Variants in ACVR1C observed in about 807,000 individuals in gnomAD.
ACVR1C encodes the protein activin A receptor type 1C, also known as activin receptor type-1C.
Under a neutral mutation model 57.9 loss-of-function variants are expected in ACVR1C, and 23 were observed. The observed-to-expected ratio is 0.40, with a 90% CI of 0.29 to 0.56. The LOEUF is 0.56. Ranked by LOEUF, ACVR1C falls within the 20% of genes least tolerant of loss-of-function variation. The pLI is 0.50. For missense variants in ACVR1C, 480 were observed against 607.9 expected, an observed-to-expected ratio of 0.79 and a Z score of 2.21; for synonymous variants, 214 against 215.3, an observed-to-expected ratio of 0.99 and a Z score of 0.05.
chr2:157,550,885 G>A (rs181859298), intron 3 of ACVR1C, among the ~76,000 whole-genome samples: 1 of 152,024 alleles, frequency 6.6e-6, no homozygotes, highest in East Asian at 1.9e-4. Flanking sequence ...GTGAGATAAT[G>A]ATATTACACT....
intron 1 of ACVR1C, among the ~76,000 whole-genome samples, chr2:157,593,131 G>C (rs1558990505): frequency 6.6e-6 from 1 of 151,998 alleles, no homozygotes; most frequent in Non-Finnish European, 1.5e-5. Flanking sequence ...TCAACTAAAG[G>C]ATGTGCACAT....
intron 2 of ACVR1C, among the ~76,000 whole-genome samples, chr2:157,585,794 A>G (rs903257452): frequency 3.3e-5 from 5 of 152,184 alleles, no homozygotes; most frequent in Admixed American, 2.0e-4. Flanking sequence ...AAGGAAGTCT[A>G]TGGCATCTGA....
At position 157,551,646 on chromosome 2, in the gene ACVR1C, T is replaced by C. The variant is rs140543048; in HGVS notation, c.545-1254A>G. Among the ~76,000 whole-genome samples the C allele has an allele frequency of 4.6e-3, 708 of 152,322 alleles. 2 individuals are homozygous for C. The highest frequency in any genetic ancestry group is 0.016 in the African/African-American group (673 of 41,574). On this transcript the variant is annotated intron_variant, in intron 3 of 8. Transcript: ENST00000243349. ...TCTAATTTTCCACATTTTCTTAATTTCCACAATTGATATTTATTGCTCTTA... is the reference window on the plus strand; with the variant it reads ...TCTAATTTTCCACATTTTCTTAATTCCCACAATTGATATTTATTGCTCTTA...
rs767599425 is a variant in ACVR1C at position 157,529,702 on chromosome 2, A to G, written c.*4216T>C. 6.6e-6 allele frequency: 1 copy of G among 152,034 alleles called. No individual in the cohort carries two copies. The highest frequency in any genetic ancestry group is 1.5e-5 in the Non-Finnish European group (1 of 67,964). The allele number at this position is 152,034 out of a possible 1,614,324, so 9.4% of individuals were successfully genotyped here. The stretch of plus-strand genomic sequence containing the variant: ...ATTCCAGACGGTTAAGTTAAATAAG[A>G]GTTATTTTTAAAATTAGGAACTAAT... On this transcript the variant is annotated 3_prime_UTR_variant, in exon 9 of 9. Transcript: ENST00000243349.
intron 1 of ACVR1C, chr2:157,597,596 C>A (rs1298808403): frequency 2.0e-6 from 2 of 984,294 alleles, no homozygotes; most frequent in African/African-American, 3.5e-5. Flanking sequence ...TCCCGGCGCA[C>A]CCGGGTACCA....
chr2:157,579,517 T>A (rs1164129283), intron 2 of ACVR1C, among the ~76,000 whole-genome samples: 1 of 152,194 alleles, frequency 6.6e-6, no homozygotes, highest in Non-Finnish European at 1.5e-5. Context: ...GGTTTCCTAT[T>A]CTCTAAAAAT....
At chr2:157,620,037 C>A (rs372732334) in intron 1 of ACVR1C, among the ~76,000 whole-genome samples, 3 of 152,000 alleles carry the variant, frequency 2.0e-5, no homozygotes, top group South Asian at 2.1e-4. Context: ...TGATTTGGCA[C>A]AATAACTCTC....
intron 1 of ACVR1C, among the ~76,000 whole-genome samples, chr2:157,589,436 C>CT (rs1160038441): frequency 2.0e-5 from 3 of 151,716 alleles, no homozygotes; most frequent in African/African-American, 7.3e-5. Context: ...TGGATATATC[C>CT]TTTTTTGGAT....
chr2:157,545,852 G>A (rs1687743252), intron 4 of ACVR1C, among the ~76,000 whole-genome samples: 1 of 152,128 alleles, frequency 6.6e-6, no homozygotes, highest in Non-Finnish European at 1.5e-5. Context: ...TCGGCTCACT[G>A]CAACCTGTGC....
chr2:157,599,112 A>G (rs1002803780), intron 1 of ACVR1C, among the ~76,000 whole-genome samples: 4 of 151,970 alleles, frequency 2.6e-5, no homozygotes, highest in Non-Finnish European at 4.4e-5. Flanking sequence ...AGGCAGGCGG[A>G]TCACGAAGTC....
At chr2:157,580,804 C>T (rs765495013) in intron 2 of ACVR1C, among the ~76,000 whole-genome samples, 1 of 151,984 alleles carries the variant, frequency 6.6e-6, no homozygotes, top group Non-Finnish European at 1.5e-5. Context: ...GTTCCCGAAA[C>T]AGTGAAAGGT....
chr2:157,555,861 G>A (rs1262361914), intron 3 of ACVR1C, among the ~76,000 whole-genome samples: 1 of 152,178 alleles, frequency 6.6e-6, no homozygotes, highest in Non-Finnish European at 1.5e-5. Context: ...GAAAGTGAAT[G>A]TAAGAATCTG....
At position 157,528,779 on chromosome 2, in the gene ACVR1C, A is replaced by T. The variant is rs1472697240; in HGVS notation, c.*5139T>A. The T allele has an allele frequency of 6.6e-6, 1 of 152,220 alleles. No individual in the cohort carries two copies. 9.4% of individuals were successfully genotyped at this position (152,220 alleles called of 1,614,324 possible). A position where few individuals can be genotyped will look rare whatever the true frequency, so the allele number is the denominator to read the frequency against. On this transcript the variant is annotated 3_prime_UTR_variant, in exon 9 of 9. Transcript: ENST00000243349. Reference sequence around the variant, plus strand: ...GTTAGCTAAAAGCTAGAATACAAATAACAGCTAGTCTTTTTAGGTTTTAAA... The same window carrying T: ...GTTAGCTAAAAGCTAGAATACAAATTACAGCTAGTCTTTTTAGGTTTTAAA...
At chr2:157,589,333 C>A (rs555564725) in intron 1 of ACVR1C, among the ~76,000 whole-genome samples, 16 of 152,036 alleles carry the variant, frequency 1.1e-4, no homozygotes, top group African/African-American at 3.6e-4. Context: ...TGTATGTCTT[C>A]TTTTGAGAAG....
At chr2:157,576,830 A>ATTTTTTTTTTTTTTTTT (rs1688665585) in intron 2 of ACVR1C, among the ~76,000 whole-genome samples, 1 of 68,302 alleles carries the variant, frequency 1.5e-5, no homozygotes, top group African/African-American at 7.2e-5. Flanking sequence ...GGGCTTTGAA[A>ATTTTTTTTTTTTTTTTT]TTTTCTTTTT....
chr2:157,608,962 TATTTAGTTC>T (rs1479186062), intron 1 of ACVR1C, among the ~76,000 whole-genome samples: 2 of 151,974 alleles, frequency 1.3e-5, no homozygotes, highest in Non-Finnish European at 2.9e-5. Context: ...CTTTTTTTGT[TATTTAGTTC>T]ATTTAGTTCT....
At chr2:157,540,292 T>C (rs952595005) in intron 7 of ACVR1C, among the ~76,000 whole-genome samples, 1 of 152,234 alleles carries the variant, frequency 6.6e-6, no homozygotes, top group African/African-American at 2.4e-5. Context: ...TTTTCTCCAC[T>C]GATGCAACTG....
At chr2:157,545,341 T>C (rs372032761) in intron 4 of ACVR1C, among the ~76,000 whole-genome samples, 4 of 152,224 alleles carry the variant, frequency 2.6e-5, no homozygotes, top group Admixed American at 6.5e-5. Context: ...GGATCTATAA[T>C]GAACATTTGC....
chr2:157,567,126 G>C (rs1330897010), intron 2 of ACVR1C, among the ~76,000 whole-genome samples: 2 of 87,020 alleles, frequency 2.3e-5, no homozygotes, highest in East Asian at 5.9e-4. Context: ...CACACGGCAG[G>C]GTATTCCAAC....
Sources: gnomAD v4.1 joint callset for allele counts (sites outside exome capture counted in the v4.1 genomes callset) on GRCh38, gnomAD v4.1.1 for gene constraint, MANE v1.5 for transcripts, NCBI Gene and HGNC (gene_info 2026-07-23, HGNC 2026-07-21) for gene names.